OR9Q1: variants seen among roughly 807,000 people sequenced by gnomAD.
OR9Q1 encodes olfactory receptor family 9 subfamily Q member 1.
For synonymous variants in OR9Q1, 153 were observed against 148.6 expected, an observed-to-expected ratio of 1.03 and a Z score of -0.22; for missense variants, 374 against 378.8, an observed-to-expected ratio of 0.99 and a Z score of 0.11.
intron 2 of OR9Q1, among the ~76,000 whole-genome samples, chr11:58,146,454 G>C (rs990829485): frequency 2.6e-5 from 4 of 151,986 alleles, no homozygotes; most frequent in Non-Finnish European, 4.4e-5. Context: ...ATTAAGTTTA[G>C]AATATTTTAA....
chr11:58,144,768 C>T (rs543969162), intron 2 of OR9Q1: 1 of 152,430 alleles, frequency 6.6e-6, no homozygotes, highest in East Asian at 1.9e-4. Flanking sequence ...CCTATGAGCG[C>T]TGTGCCAGCC....
At chr11:58,141,596 T>G (rs549329847) in intron 2 of OR9Q1, among the ~76,000 whole-genome samples, 2 of 152,326 alleles carry the variant, frequency 1.3e-5, no homozygotes, top group South Asian at 4.1e-4. Flanking sequence ...ATAAGCTTTT[T>G]GATGTGCTGC....
chr11:58,174,903 C>T (rs1854589451), intron 2 of OR9Q1, among the ~76,000 whole-genome samples: 1 of 151,132 alleles, frequency 6.6e-6, no homozygotes, highest in Non-Finnish European at 1.5e-5. Context: ...CCCAGGAGTT[C>T]AAGACCAGCC....
At position 58,161,109 on chromosome 11, in the gene OR9Q1, G is replaced by C. The variant is rs188317759; in HGVS notation, c.-14-18322G>C. Among the ~76,000 whole-genome samples the C allele has an allele frequency of 6.2e-4, 94 of 152,028 alleles. 1 individual carries two copies. The highest frequency in any genetic ancestry group is 1.5e-3 in the Admixed American group (23 of 15,268). The stretch of plus-strand genomic sequence containing the variant: ...GGGGCCTGTCTGGGGTCGGGGGCTG[G>C]GGGAGGGATAGCATTAGGAGGAATA... On this transcript the variant is annotated intron_variant, in intron 2 of 2. Transcript: ENST00000335397.
intron 1 of OR9Q1, among the ~76,000 whole-genome samples, chr11:58,027,620 A>G (rs2513713): frequency 0.33 from 50,604 of 151,870 alleles, 8,872 homozygotes; most frequent in East Asian, 0.69. Context: ...TTCTTCAGGG[A>G]TCTAGGATCC....
intron 2 of OR9Q1, among the ~76,000 whole-genome samples, chr11:58,099,661 G>A (rs977497719): frequency 6.6e-6 from 1 of 152,042 alleles, no homozygotes; most frequent in Non-Finnish European, 1.5e-5. Flanking sequence ...TAATAGTATG[G>A]CAGTCTTTGT....
chr11:58,045,097 T>G (rs1311839569), intron 1 of OR9Q1: 1 of 152,256 alleles, frequency 6.6e-6, no homozygotes, highest in Non-Finnish European at 1.5e-5. Flanking sequence ...TATTTAGACT[T>G]GGATCCTATC....
chr11:58,043,936 C>T (rs1235948456), intron 1 of OR9Q1, among the ~76,000 whole-genome samples: 2 of 151,986 alleles, frequency 1.3e-5, no homozygotes, highest in East Asian at 1.9e-4. Context: ...TTGTTGGTAC[C>T]CTTGCACCCA....
At chr11:58,119,116 G>C (rs757575630) in intron 2 of OR9Q1, 1 of 1,614,000 alleles carries the variant, frequency 6.2e-7, no homozygotes, top group South Asian at 1.1e-5. Context: ...AAAGCACTCT[G>C]TGCCTGCACA....
At chr11:58,162,379 C>T (rs1297151870) in intron 2 of OR9Q1, among the ~76,000 whole-genome samples, 3 of 152,154 alleles carry the variant, frequency 2.0e-5, no homozygotes, top group Non-Finnish European at 2.9e-5. Context: ...TTCTAACTTG[C>T]AACAGTAGCA....
chr11:58,053,951 T>C (rs1010050214), intron 1 of OR9Q1, among the ~76,000 whole-genome samples: 1 of 152,008 alleles, frequency 6.6e-6, no homozygotes, highest in Non-Finnish European at 1.5e-5. Context: ...TACTTGAAAT[T>C]TGATAAGAAA....
At chr11:58,136,056 TGTA>T (rs1218807153) in intron 2 of OR9Q1, among the ~76,000 whole-genome samples, 3 of 152,070 alleles carry the variant, frequency 2.0e-5, no homozygotes, top group African/African-American at 4.8e-5. Flanking sequence ...TTTTCTGAGG[TGTA>T]GTAGAGATTT....
intron 2 of OR9Q1, among the ~76,000 whole-genome samples, chr11:58,162,783 A>C (rs1170916209): frequency 6.6e-6 from 1 of 152,184 alleles, no homozygotes; most frequent in African/African-American, 2.4e-5. Context: ...GGTAACCTTC[A>C]TCCCTCCTAC....
Position 58,179,985 on chromosome 11 carries a change from C to G in OR9Q1, c.541C>G (p.Leu181Val). The change falls in exon 3 of 3, where the codon CTC becomes GTC. Residue 181 changes from leucine (L) to valine (V), a missense_variant. Physicochemically the swap from Leu to Val is conservative, Grantham distance 32. Transcript: ENST00000335397. ...TGAGATTGACTTTATTTTCTGTGAC[C>G]TCCCTCCTCTGTTAAAGTTGACCTG... is the stretch of plus-strand genomic sequence containing the variant. ...TSEIDFIFCDLPPLLKLTCGE... is the reference protein window; with the variant it reads ...TSEIDFIFCDVPPLLKLTCGE... 6.2e-7 allele frequency: 1 copy of G among 1,614,124 alleles called. No individual in the cohort carries two copies. The highest frequency in any genetic ancestry group is 8.5e-7 in the Non-Finnish European group (1 of 1,180,020).
intron 1 of OR9Q1, among the ~76,000 whole-genome samples, chr11:58,030,551 C>T (rs999394844): frequency 6.6e-6 from 1 of 152,090 alleles, no homozygotes; most frequent in Non-Finnish European, 1.5e-5. Flanking sequence ...GAAGTTTCCC[C>T]AATGCACAAT....
At chr11:58,031,184 G>A in intron 1 of OR9Q1, 1 of 1,614,166 alleles carries the variant, frequency 6.2e-7, no homozygotes, top group Non-Finnish European at 8.5e-7. Flanking sequence ...GTACACTTCT[G>A]TTACAGTGCC....
At chr11:58,168,594 T>G (rs1020540) in intron 2 of OR9Q1, among the ~76,000 whole-genome samples, 149,723 of 151,942 alleles carry the variant, frequency 0.99, 73,805 homozygotes, top group Middle Eastern at 1. Context: ...ATTTGTTGTT[T>G]TTTTTTTTCC....
At chr11:58,095,271 G>A (rs549003887) in intron 2 of OR9Q1, among the ~76,000 whole-genome samples, 125 of 152,302 alleles carry the variant, frequency 8.2e-4, no homozygotes, top group African/African-American at 2.9e-3. Flanking sequence ...TATGGCATGG[G>A]CCATAATACA....
intron 2 of OR9Q1, among the ~76,000 whole-genome samples, chr11:58,103,457 T>A (rs1456231549): frequency 1.3e-5 from 2 of 152,192 alleles, no homozygotes; most frequent in Non-Finnish European, 2.9e-5. Flanking sequence ...ATGACATCTA[T>A]CTCTTTGTTA....
Sources: gnomAD v4.1 joint callset for allele counts (sites outside exome capture counted in the v4.1 genomes callset) on GRCh38, gnomAD v4.1.1 for gene constraint, MANE v1.5 for transcripts, NCBI Gene and HGNC (gene_info 2026-07-23, HGNC 2026-07-21) for gene names.